The following SLC6A3 variants were observed in gnomAD, a reference collection of about 807,000 sequenced individuals.
The protein encoded by SLC6A3 is solute carrier family 6 member 3.
A neutral mutation model predicts 70.4 loss-of-function variants in SLC6A3; 19 were observed. That is an observed-to-expected ratio of 0.27 (90% CI 0.19 to 0.40). SLC6A3 has a LOEUF of 0.40. Ranked by LOEUF, SLC6A3 falls within the 10% of genes least tolerant of loss-of-function variation. SLC6A3 has a pLI of 1.00. For synonymous variants in SLC6A3, 368 were observed against 356.6 expected, an observed-to-expected ratio of 1.03 and a Z score of -0.36; for missense variants, 613 against 838.5, an observed-to-expected ratio of 0.73 and a Z score of 3.32.
intron 4 of SLC6A3, among the ~76,000 whole-genome samples, chr5:1,430,069 G>C (rs1020636034): frequency 2.6e-5 from 4 of 152,136 alleles, no homozygotes; most frequent in Non-Finnish European, 5.9e-5. Flanking sequence ...CTATGGCGAT[G>C]CTCGTCCAAG....
rs955234405 is a variant in SLC6A3 at position 1,406,681 on chromosome 5, T to C, written c.1499-393A>G. On this transcript the variant is annotated intron_variant, in intron 11 of 14. Transcript: ENST00000270349. The surrounding 1 kb of genome is among the most constrained non-coding windows in gnomAD (Gnocchi z 8.8). Reference sequence around the variant, plus strand: ...TAAAACTTACCATTTTAGCCATTTTTACGTGTAGAGTTCATAATGTATCAA... The same window carrying C: ...TAAAACTTACCATTTTAGCCATTTTCACGTGTAGAGTTCATAATGTATCAA... 1.3e-5 allele frequency among the ~76,000 whole-genome samples: 2 copies of C among 149,480 alleles called. No individual in the cohort carries two copies. Among genetic ancestry groups the C allele is most frequent in the African/African-American group, 4.9e-5 (2 of 41,204 alleles).
chr5:1,405,625 C>A lies in SLC6A3; in HGVS notation c.1599+563G>T, dbSNP rs1166697148. 6.6e-6 allele frequency among the ~76,000 whole-genome samples: 1 copy of A among 152,246 alleles called. No homozygotes were observed. Among genetic ancestry groups the A allele is most frequent in the Non-Finnish European group, 1.5e-5 (1 of 68,032 alleles). On this transcript the variant is annotated intron_variant, in intron 12 of 14. Transcript: ENST00000270349. This position sits in a 1 kb window ranked among gnomAD's most constrained non-coding sequence, Gnocchi z 5.3. ...GCAATCCCTAATGAAAGTGTGCGGC[C>A]ACCTTCCAACAAAACTCTATTTACA...
chr5:1,403,035 T>G lies in SLC6A3; in HGVS notation c.1654A>C (p.Ile552Leu). Reference sequence around the variant, plus strand: ...AGCGCGTTGGCCCAGTCGGGGAAGATGTAGGCTCCGTAGTGGGGGGGTCTG... The same window carrying G: ...AGCGCGTTGGCCCAGTCGGGGAAGAGGTAGGCTCCGTAGTGGGGGGGTCTG... ...TFRPPHYGAY[I>L]FPDWANALGW... The change falls in exon 13 of 15, where the codon ATC (isoleucine) becomes CTC (leucine). Residue 552 changes from isoleucine (I) to leucine (L), a missense_variant. Transcript: ENST00000270349. 6.2e-7 allele frequency: 1 copy of G among 1,613,960 alleles called. No individual in the cohort carries two copies. The highest frequency in any genetic ancestry group is 8.5e-7 in the Non-Finnish European group (1 of 1,180,004).
chr5:1,393,769 G>A lies in SLC6A3; in HGVS notation c.*966C>T, dbSNP rs1253764502. The A allele has an allele frequency of 1.4e-5, 2 of 146,924 alleles. No homozygotes were observed. The highest frequency in any genetic ancestry group is 2.6e-5 in the African/African-American group (1 of 38,176). The allele number at this position is 146,924 out of a possible 1,614,324, so 9.1% of individuals were successfully genotyped here. A position where few individuals can be genotyped will look rare whatever the true frequency, so the allele number is the denominator to read the frequency against. On this transcript the variant is annotated 3_prime_UTR_variant, in exon 15 of 15. Transcript: ENST00000270349. ...CTGTGGGGGCCCTGCATGCGTCCTG[G>A]GGTAGTACACGCTCCAGTGGGGGCC... is the stretch of plus-strand genomic sequence containing the variant.
chr5:1,414,516 G>A (rs912453919), intron 8 of SLC6A3, among the ~76,000 whole-genome samples, 175 bp downstream of exon 8: 7 of 151,546 alleles, frequency 4.6e-5, no homozygotes, highest in Non-Finnish European at 7.4e-5. Flanking sequence ...CGCTGGGTGG[G>A]GGCAGGTCTG....
intron 14 of SLC6A3, among the ~76,000 whole-genome samples, chr5:1,395,693 C>T (rs1044504066): frequency 2.0e-5 from 3 of 152,206 alleles, no homozygotes; most frequent in Non-Finnish European, 2.9e-5. Flanking sequence ...CCCACAGCCA[C>T]GGGTGGCCCA....
Position 1,394,818 on chromosome 5 carries a change from G to A in SLC6A3, c.1840-60C>T, listed in dbSNP as rs1006388658. On this transcript the variant is annotated intron_variant, in intron 14 of 14. Coordinates refer to ENST00000270349, the MANE Select transcript of SLC6A3 (RefSeq NM_001044.5). This position sits in a 1 kb window ranked among gnomAD's most constrained non-coding sequence, Gnocchi z 4.7. Reference sequence around the variant, plus strand: ...GGCGATGCCCCATTTAAGAGCAGCTGAAGGTGGCTAAGAGCAGCTGAAGGC... The same window carrying A: ...GGCGATGCCCCATTTAAGAGCAGCTAAAGGTGGCTAAGAGCAGCTGAAGGC... 6.3e-7 allele frequency: 1 copy of A among 1,592,812 alleles called. No individual in the cohort carries two copies. The highest frequency in any genetic ancestry group is 1.7e-5 in the Admixed American group (1 of 59,844).
rs1030182517 is a variant in SLC6A3, at chr5:1,411,991, C to T, written c.1157-636G>A. On this transcript the variant is annotated intron_variant, in intron 8 of 14. Transcript: ENST00000270349. This position sits in a 1 kb window ranked among gnomAD's most constrained non-coding sequence, Gnocchi z 6.5. ...ACATGCAAGAACACATCCACATGCA[C>T]GCACACAAACAGAAACATGCACGTG... 1.4e-5 allele frequency among the ~76,000 whole-genome samples: 2 copies of T among 148,040 alleles called. No individual in the cohort carries two copies. The highest frequency in any genetic ancestry group is 2.5e-5 in the African/African-American group (1 of 39,622).
rs148447720 is a variant in SLC6A3, at chr5:1,441,417, G to A, written c.360C>T (p.Leu120=). Residue 120 remains leucine, a synonymous_variant, in exon 3 of 15, where the codon CTC becomes CTT. Transcript: ENST00000270349. ...GMPLFYMELA[L]GQFNREGAAG... The stretch of plus-strand genomic sequence containing the variant: ...CGGCCCCTTCCCTGTTGAACTGGCC[G>A]AGGGCCAGCTCCATGTAGAAAAGTG... The A allele has an allele frequency of 3.7e-5, 60 of 1,614,072 alleles. No individual in the cohort carries two copies. The highest frequency in any genetic ancestry group is 3.2e-4 in the South Asian group (29 of 91,088).
rs983604621 is a variant in SLC6A3 at position 1,397,986 on chromosome 5, A to G, written c.1839+2929T>C. On this transcript the variant is annotated intron_variant, in intron 14 of 14. Coordinates refer to ENST00000270349, the MANE Select transcript of SLC6A3 (RefSeq NM_001044.5). This position sits in a 1 kb window ranked among gnomAD's most constrained non-coding sequence, Gnocchi z 4.7. ...GTAGGAGGAAGATTTAAGTCCTTAT[A>G]ATGGGATGGGGTTAAAATATGGTTT... is the stretch of plus-strand genomic sequence containing the variant. Among the ~76,000 whole-genome samples, 1 of 152,212 alleles carries G rather than the reference A, an allele frequency of 6.6e-6. No individual in the cohort carries two copies. The highest frequency in any genetic ancestry group is 1.5e-5 in the Non-Finnish European group (1 of 68,040).
Position 1,438,294 on chromosome 5 carries a change from C to T in SLC6A3, c.418+3065G>A, listed in dbSNP as rs1756887448. On this transcript the variant is annotated intron_variant, in intron 3 of 14. Coordinates refer to ENST00000270349, the MANE Select transcript of SLC6A3 (RefSeq NM_001044.5). The surrounding 1 kb of genome is among the most constrained non-coding windows in gnomAD (Gnocchi z 6.5). ...CTTCCTGCGGCCACACTTTGCAGCCCTCCTCTGGGACTAGTCTTCAGAACG... is the reference window on the plus strand; with the variant it reads ...CTTCCTGCGGCCACACTTTGCAGCCTTCCTCTGGGACTAGTCTTCAGAACG... 6.6e-6 allele frequency among the ~76,000 whole-genome samples: 1 copy of T among 152,248 alleles called. No individual in the cohort carries two copies. Among genetic ancestry groups the T allele is most frequent in the Non-Finnish European group, 1.5e-5 (1 of 68,044 alleles).
Position 1,411,884 on chromosome 5 carries a change from T to A in SLC6A3, c.1157-529A>T, listed in dbSNP as rs1426139288. Among the ~76,000 whole-genome samples, 2 of 149,650 alleles carry A rather than the reference T, an allele frequency of 1.3e-5. No individual in the cohort carries two copies. The highest frequency in any genetic ancestry group is 2.0e-4 in the East Asian group (1 of 5,112). ...CACACATACCATGCAACATACACAC[T>A]CAGACACACATACCATGCAATATAC... On this transcript the variant is annotated intron_variant, in intron 8 of 14. Transcript: ENST00000270349. The surrounding 1 kb of genome is among the most constrained non-coding windows in gnomAD (Gnocchi z 6.5).
intron 4 of SLC6A3, among the ~76,000 whole-genome samples, chr5:1,422,956 G>A (rs568656270): frequency 0.018 from 484 of 27,646 alleles, 15 homozygotes; most frequent in African/African-American, 0.026. Context: ...GCTGCTGGGT[G>A]CCCACCGCTG....
At chr5:1,430,263 G>A (rs182239929) in intron 4 of SLC6A3, among the ~76,000 whole-genome samples, 13 of 152,036 alleles carry the variant, frequency 8.6e-5, no homozygotes, top group Non-Finnish European at 1.8e-4. Context: ...CTCAGAGTTC[G>A]TCACTCTTGT....
chr5:1,435,672 C>T (rs1756812165), intron 3 of SLC6A3, among the ~76,000 whole-genome samples: 1 of 152,262 alleles, frequency 6.6e-6, no homozygotes, highest in South Asian at 2.1e-4. Context: ...AGGACCCCTC[C>T]TGGTTGAGGA....
chr5:1,434,332 T>A (rs1227885358), intron 3 of SLC6A3, among the ~76,000 whole-genome samples: 2 of 152,238 alleles, frequency 1.3e-5, no homozygotes, highest in Non-Finnish European at 2.9e-5. Flanking sequence ...TCCAGGGCCA[T>A]GCAAGACCAT....
rs1560907231 is a variant in SLC6A3, at chr5:1,405,001, C to T, written c.1599+1187G>A. On this transcript the variant is annotated intron_variant, in intron 12 of 14. Coordinates refer to ENST00000270349, the MANE Select transcript of SLC6A3 (RefSeq NM_001044.5). The surrounding 1 kb of genome is among the most constrained non-coding windows in gnomAD (Gnocchi z 5.3). ...AGTTTCAACTAATGGCGGGGGAGAG[C>T]GGGAGGTGGGCAGGAGGCTGACTTT... Among the ~76,000 whole-genome samples the T allele has an allele frequency of 6.6e-6, 1 of 152,244 alleles. No homozygotes were observed. The highest frequency in any genetic ancestry group is 1.5e-5 in the Non-Finnish European group (1 of 68,002).
At chr5:1,398,379 A>AAT (rs1755771226) in intron 14 of SLC6A3, among the ~76,000 whole-genome samples, 1 of 151,424 alleles carries the variant, frequency 6.6e-6, no homozygotes, top group East Asian at 1.9e-4. Flanking sequence ...AAAAAAAAAG[A>AAT]ATAAAGTATG....
chr5:1,415,732 C>A (rs541285870), intron 7 of SLC6A3, among the ~76,000 whole-genome samples: 10 of 152,160 alleles, frequency 6.6e-5, no homozygotes, highest in African/African-American at 2.4e-4. Flanking sequence ...TGAAGCTGGA[C>A]CCTGAGCGAG....
Sources: allele counts gnomAD v4.1 joint callset (sites outside exome capture counted in the v4.1 genomes callset), GRCh38; gene constraint gnomAD v4.1.1; non-coding constraint Gnocchi (gnomAD v3.1); transcripts MANE v1.5; gene names NCBI Gene and HGNC (gene_info 2026-07-23, HGNC 2026-07-21).